The following HMGCLL1 variants were observed in gnomAD, a reference collection of about 807,000 sequenced individuals.
HMGCLL1 encodes 3-hydroxy-3-methylglutaryl-CoA lyase like 1.
Under a neutral mutation model 39.1 loss-of-function variants are expected in HMGCLL1, and 36 were observed. That is an observed-to-expected ratio of 0.92 (90% confidence interval 0.71 to 1.22). HMGCLL1 has a LOEUF of 1.22. Ranked by LOEUF, HMGCLL1 falls within the 50% of genes most tolerant of loss-of-function variation. The probability of loss-of-function intolerance (pLI) is 0.00; values close to 1 mark genes in which losing one functional copy is unlikely to be tolerated. For missense variants in HMGCLL1, 451 were observed against 416.5 expected (o/e 1.08, Z -0.72); for synonymous variants, 149 against 144.0 (o/e 1.03, Z -0.25).
intron 7 of HMGCLL1, among the ~76,000 whole-genome samples, chr6:55,462,210 C>G (rs9464250): frequency 0.066 from 10,003 of 152,188 alleles, 400 homozygotes; most frequent in African/African-American, 0.11. Context: ...TCTATGCTTA[C>G]CTTTCTAAAA....
the HMGCLL1 span, among the ~76,000 whole-genome samples, chr6:55,622,630 T>C: frequency 4.1e-3 from 624 of 152,236 alleles, 2 homozygotes; most frequent in Non-Finnish European, 6.7e-3. Context: ...TGATGAGTGG[T>C]CTTTTTAATG....
chr6:55,484,266 C>A (rs1232929570), intron 7 of HMGCLL1, among the ~76,000 whole-genome samples: 1 of 151,902 alleles, frequency 6.6e-6, no homozygotes, highest in African/African-American at 2.4e-5. Context: ...TTTTTTGAGA[C>A]TCTAGGGCTC....
chr6:55,640,604 A>G, the HMGCLL1 span, among the ~76,000 whole-genome samples: 4 of 151,872 alleles, frequency 2.6e-5, no homozygotes, highest in African/African-American at 9.7e-5. Context: ...GAAAGGAGAG[A>G]GTGATATTTG....
At chr6:55,458,753 A>G (rs1359234510) in intron 7 of HMGCLL1, among the ~76,000 whole-genome samples, 3 of 152,202 alleles carry the variant, frequency 2.0e-5, no homozygotes, top group Non-Finnish European at 4.4e-5. Context: ...GCATTTTTTA[A>G]TAAGAATAGA....
chr6:55,577,181 G>T (rs1771801835), intron 1 of HMGCLL1: 1 of 1,564,232 alleles, frequency 6.4e-7, no homozygotes, highest in Non-Finnish European at 8.7e-7. Flanking sequence ...GGAAGATAAA[G>T]TTCAAAAAGC....
chr6:55,510,339 C>T (rs1686265586), intron 5 of HMGCLL1, among the ~76,000 whole-genome samples: 1 of 151,720 alleles, frequency 6.6e-6, no homozygotes, highest in Non-Finnish European at 1.5e-5. Flanking sequence ...GACACATGCA[C>T]ACGTATGTTT....
chr6:55,534,676 G>A (rs995313464), intron 3 of HMGCLL1, among the ~76,000 whole-genome samples: 1 of 152,122 alleles, frequency 6.6e-6, no homozygotes, highest in African/African-American at 2.4e-5. Context: ...CTATCTCATT[G>A]TGAGTACCTA....
At chr6:55,591,531 A>G in the HMGCLL1 span, among the ~76,000 whole-genome samples, 2 of 151,852 alleles carry the variant, frequency 1.3e-5, no homozygotes, top group Admixed American at 1.3e-4. Flanking sequence ...TTGGATAGGA[A>G]TTAAGATTTT....
the HMGCLL1 span, among the ~76,000 whole-genome samples, chr6:55,658,680 A>T: frequency 6.6e-6 from 1 of 151,988 alleles, no homozygotes; most frequent in African/African-American, 2.4e-5. Context: ...TAGCTAAATC[A>T]TTTCTTTATT....
chr6:55,646,581 G>A, the HMGCLL1 span, among the ~76,000 whole-genome samples: 1 of 151,586 alleles, frequency 6.6e-6, no homozygotes, highest in African/African-American at 2.4e-5. Flanking sequence ...ATAGGTTTAG[G>A]CATTTTGTGT....
At chr6:55,447,924 A>C (rs536088658) in intron 7 of HMGCLL1, among the ~76,000 whole-genome samples, 2 of 152,308 alleles carry the variant, frequency 1.3e-5, no homozygotes, top group South Asian at 4.1e-4. Flanking sequence ...ATTACTAAAC[A>C]CTTTACATGC....
chr6:55,636,846 G>T, the HMGCLL1 span, among the ~76,000 whole-genome samples: 2 of 152,138 alleles, frequency 1.3e-5, no homozygotes, highest in Non-Finnish European at 2.9e-5. Flanking sequence ...TGAAGAGAGA[G>T]TTCCTGGTAT....
intron 5 of HMGCLL1, among the ~76,000 whole-genome samples, chr6:55,511,364 CGTGT>C (rs1179089679): frequency 6.6e-6 from 1 of 151,818 alleles, no homozygotes; most frequent in East Asian, 1.9e-4. Context: ...CAGTTCTGAG[CGTGT>C]GTTAAAAATG....
intron 3 of HMGCLL1, among the ~76,000 whole-genome samples, chr6:55,523,486 T>A (rs188755682): frequency 3.6e-4 from 55 of 152,096 alleles, no homozygotes; most frequent in African/African-American, 1.2e-3. Context: ...GGTCTTCAAG[T>A]AACACATGGC....
the HMGCLL1 span, among the ~76,000 whole-genome samples, chr6:55,622,122 T>A: frequency 2.0e-5 from 3 of 152,158 alleles, no homozygotes; most frequent in African/African-American, 7.2e-5. Context: ...GTATATTGAC[T>A]TTGTATCTTA....
chr6:55,573,892 T>A (rs1771638414), intron 1 of HMGCLL1, among the ~76,000 whole-genome samples: 1 of 152,096 alleles, frequency 6.6e-6, no homozygotes. Context: ...TGCCTAGATA[T>A]GCCATAGTAA....
chr6:55,675,465 T>C, the HMGCLL1 span, among the ~76,000 whole-genome samples: 1 of 152,110 alleles, frequency 6.6e-6, no homozygotes, highest in Non-Finnish European at 1.5e-5. Context: ...ATAAATTATG[T>C]CTTCTCAGGT....
At chr6:55,519,240 T>G (rs1767907245) in intron 3 of HMGCLL1, among the ~76,000 whole-genome samples, 2 of 152,032 alleles carry the variant, frequency 1.3e-5, no homozygotes, top group African/African-American at 4.8e-5. Context: ...GTGCAAAGGA[T>G]AGTCTAGATA....
At chr6:55,550,675 T>C (rs760892307) in intron 1 of HMGCLL1, among the ~76,000 whole-genome samples, 1 of 151,794 alleles carries the variant, frequency 6.6e-6, no homozygotes, top group African/African-American at 2.4e-5. Context: ...TTATTTCATA[T>C]TCTTCGAAGT....
Sources: gnomAD v4.1 joint callset for allele counts (sites outside exome capture counted in the v4.1 genomes callset) on GRCh38, gnomAD v4.1.1 for gene constraint, MANE v1.5 for transcripts, NCBI Gene and HGNC (gene_info 2026-07-23, HGNC 2026-07-21) for gene names.